Variants in SLC26A9 observed in about 807,000 individuals in gnomAD.
SLC26A9 encodes the protein anion transporter/exchanger protein 9.
A neutral mutation model predicts 87.1 loss-of-function variants in SLC26A9; 46 were observed. That is an observed-to-expected ratio of 0.53 (90% confidence interval 0.42 to 0.67). The LOEUF (loss-of-function observed/expected upper bound fraction) is 0.67. Ranked by LOEUF, SLC26A9 falls within the 30% of genes least tolerant of loss-of-function variation. The pLI is 0.00. For missense variants in SLC26A9, 927 were observed against 1,018.3 expected (o/e 0.91, Z 1.22); for synonymous variants, 437 against 409.1 (o/e 1.07, Z -0.82).
intron 5 of SLC26A9, 161 bp from the exon 6 acceptor site, chr1:205,930,217 G>T: frequency 3.0e-6 from 2 of 673,106 alleles, no homozygotes; most frequent in Non-Finnish European, 4.6e-6. Flanking sequence ...GCCCTTCACT[G>T]TGCTCTACAT....
intron 1 of SLC26A9, among the ~76,000 whole-genome samples, chr1:205,940,974 G>C (rs903058903): frequency 1.3e-5 from 2 of 152,188 alleles, no homozygotes; most frequent in African/African-American, 4.8e-5. Context: ...CTTTGCTCTA[G>C]CTGCTGGTTG....
chr1:205,942,552 T>C (rs1659793210), intron 1 of SLC26A9, among the ~76,000 whole-genome samples: 1 of 152,152 alleles, frequency 6.6e-6, no homozygotes, highest in Non-Finnish European at 1.5e-5. Flanking sequence ...CTGGGGACCC[T>C]CTGGGCTGGT....
intron 12 of SLC26A9, among the ~76,000 whole-genome samples, chr1:205,925,486 A>T (rs1224374483): frequency 1.3e-5 from 2 of 152,196 alleles, no homozygotes; most frequent in African/African-American, 4.8e-5. Flanking sequence ...ATACCACCAT[A>T]GCGGGGGCTT....
Position 205,918,918 on chromosome 1 carries a change from G to A in SLC26A9, c.2178C>T (p.Val726=). The change falls in exon 19 of 21, where the codon GTC becomes GTT. Residue 726 remains valine (V), a synonymous_variant. Coordinates refer to ENST00000367135, the MANE Select transcript of SLC26A9 (RefSeq NM_052934.4). The part of the protein sequence containing the change: ...FEDGSLECKH[V]FPSIHDAVLF... Reference sequence around the variant, plus strand: ...GGACTGCGTCATGTATGCTGGGAAAGACGTGCTTGCATTCTAGACTCCCAT... The same window carrying A: ...GGACTGCGTCATGTATGCTGGGAAAAACGTGCTTGCATTCTAGACTCCCAT... 1 of 1,614,246 alleles carries A rather than the reference G, an allele frequency of 6.2e-7. No homozygotes were observed. The highest frequency in any genetic ancestry group is 1.6e-4 in the Middle Eastern group (1 of 6,062).
At chr1:205,931,668 C>T (rs755974349) in intron 5 of SLC26A9, among the ~76,000 whole-genome samples, 192 bp downstream of exon 5, 9 of 151,948 alleles carry the variant, frequency 5.9e-5, no homozygotes, top group South Asian at 4.1e-4. Context: ...GGTTTCATCA[C>T]GTTGGTCAAG....
chr1:205,932,724 C>A lies in SLC26A9; in HGVS notation c.354G>T (p.Gly118=). 9 of 1,585,868 alleles carry A rather than the reference C, an allele frequency of 5.7e-6. No homozygotes were observed. Among genetic ancestry groups the A allele is most frequent in the Non-Finnish European group, 7.7e-6 (9 of 1,167,142 alleles). The stretch of plus-strand genomic sequence containing the variant: ...TACCTGGCACCATCTGGTGAACACC[C>A]CCCAGGAAGAAGTAGGTCAGGAGGG... The part of the protein sequence containing the change: ...FFPLLTYFFL[G]GVHQMVPGTF... Residue 118 remains glycine, a synonymous_variant, in exon 4 of 21, where the codon GGG becomes GGT. Transcript: ENST00000367135.
At chr1:205,933,525 C>T (rs1416124190) in intron 2 of SLC26A9, among the ~76,000 whole-genome samples, 1 of 152,224 alleles carries the variant, frequency 6.6e-6, no homozygotes, top group Non-Finnish European at 1.5e-5. Context: ...GTCTCTCCCA[C>T]TAGGCAGCAA....
At chr1:205,929,497 C>A in intron 6 of SLC26A9, 141 bp from the exon 7 acceptor site, 1 of 1,331,730 alleles carries the variant, frequency 7.5e-7, no homozygotes, top group Non-Finnish European at 1.0e-6. Context: ...TGATCAGGAA[C>A]CCTGTCCCGT....
chr1:205,937,753 C>T (rs1659575771), intron 1 of SLC26A9, among the ~76,000 whole-genome samples: 1 of 152,156 alleles, frequency 6.6e-6, no homozygotes, highest in Non-Finnish European at 1.5e-5. Flanking sequence ...GTCTGGCTGT[C>T]CAGGTGGTTT....
intron 20 of SLC26A9, among the ~76,000 whole-genome samples, chr1:205,916,103 T>TATTG (rs10652614): frequency 6.6e-6 from 1 of 151,468 alleles, no homozygotes; most frequent in Non-Finnish European, 1.5e-5. Flanking sequence ...TTAGGTTTTG[T>TATTG]TTTGTTTGTT....
In SLC26A9 at chr1:205,915,017, G is replaced by C; in HGVS notation, c.*340C>G. 6.2e-7 allele frequency: 1 copy of C among 1,614,224 alleles called. No homozygotes were observed. The highest frequency in any genetic ancestry group is 8.5e-7 in the Non-Finnish European group (1 of 1,180,034). On this transcript the variant is annotated 3_prime_UTR_variant, in exon 21 of 21. Coordinates refer to ENST00000367135, the MANE Select transcript of SLC26A9 (RefSeq NM_052934.4). ...TTCTGTTTTTGGCTCACTCGTAAAA[G>C]CTGGAAGTCAAGGTGTCCTTCAGCT...
chr1:205,942,641 C>T (rs894021432), intron 1 of SLC26A9, among the ~76,000 whole-genome samples: 1 of 152,176 alleles, frequency 6.6e-6, no homozygotes, highest in East Asian at 1.9e-4. Context: ...AGGCTGAGAG[C>T]CTGGAGAGCT....
At chr1:205,927,081 C>T in intron 11 of SLC26A9, 130 bp downstream of exon 11, 2 of 907,734 alleles carry the variant, frequency 2.2e-6, no homozygotes, top group Admixed American at 3.9e-5. Flanking sequence ...CATTGTCTAC[C>T]TCACAGTTTG....
chr1:205,928,751 G>T, intron 8 of SLC26A9, 76 bp downstream of exon 8: 1 of 1,365,374 alleles, frequency 7.3e-7, no homozygotes, highest in East Asian at 2.3e-5. Context: ...AGTTCATCTT[G>T]TCTCCCTCTC....
chr1:205,937,571 G>T (rs1659558909), intron 1 of SLC26A9, among the ~76,000 whole-genome samples: 1 of 152,204 alleles, frequency 6.6e-6, no homozygotes, highest in African/African-American at 2.4e-5. Context: ...GTATGAAGAG[G>T]CTGGCCTTTT....
intron 16 of SLC26A9, 79 bp from the exon 17 acceptor site, chr1:205,921,926 G>A (rs946662571): frequency 1.3e-6 from 2 of 1,502,494 alleles, no homozygotes; most frequent in East Asian, 2.4e-5. Context: ...GCAGGGGCAT[G>A]GAGGGTGTAG....
chr1:205,927,117 TG>T, intron 11 of SLC26A9, 93 bp downstream of exon 11: 2 of 1,280,218 alleles, frequency 1.6e-6, no homozygotes, highest in Non-Finnish European at 2.3e-6. Flanking sequence ...GTGACAACAG[TG>T]GCACTTTGTG....
intron 1 of SLC26A9, among the ~76,000 whole-genome samples, chr1:205,938,057 T>A (rs1659590628): frequency 6.6e-6 from 1 of 152,030 alleles, no homozygotes; most frequent in South Asian, 2.1e-4. Flanking sequence ...GTAGTGTGTT[T>A]GCGGGGAAGG....
chr1:205,920,062 G>A lies in SLC26A9; in HGVS notation c.2110+114C>T, dbSNP rs75464682. 4.9e-3 allele frequency: 5,751 copies of A among 1,165,494 alleles called. 196 individuals are homozygous for A. The African/African-American group carries it at 0.077, about 16-fold the overall frequency. 72.2% of individuals were successfully genotyped at this position (1,165,494 alleles called of 1,614,324 possible). A position where few individuals can be genotyped will look rare whatever the true frequency, so the allele number is the denominator to read the frequency against. ...TTTATGAGCAGGCAGCAGCTTGTGGGGGATAGCTGGGTGCTCTCGTTTCCA... is the reference window on the plus strand; with the variant it reads ...TTTATGAGCAGGCAGCAGCTTGTGGAGGATAGCTGGGTGCTCTCGTTTCCA... On this transcript the variant is annotated intron_variant, in intron 18 of 20. Coordinates refer to ENST00000367135, the MANE Select transcript of SLC26A9 (RefSeq NM_052934.4).
Sources: allele counts gnomAD v4.1 joint callset (sites outside exome capture counted in the v4.1 genomes callset), GRCh38; gene constraint gnomAD v4.1.1; transcripts MANE v1.5; gene names NCBI Gene and HGNC (gene_info 2026-07-23, HGNC 2026-07-21).